Variants in RAB27A observed in about 807,000 individuals in gnomAD.
RAB27A encodes the protein RAB27A, member RAS oncogene family, also known as ras-related protein Rab-27A.
A neutral mutation model predicts 20.8 loss-of-function variants in RAB27A; 17 were observed. That is an observed-to-expected ratio of 0.82 (90% CI 0.56 to 1.23). RAB27A has a LOEUF of 1.23. Ranked by LOEUF, RAB27A falls within the 50% of genes most tolerant of loss-of-function variation. The probability of loss-of-function intolerance (pLI) is 0.00; values close to 1 mark genes in which losing one functional copy is unlikely to be tolerated. For missense variants in RAB27A, 277 were observed against 266.7 expected (o/e 1.04, Z -0.27); for synonymous variants, 85 against 92.8 (o/e 0.92, Z 0.48).
intron 2 of RAB27A, among the ~76,000 whole-genome samples, chr15:55,241,675 G>A (rs1896499326): frequency 7.0e-6 from 1 of 142,400 alleles, no homozygotes; most frequent in Non-Finnish European, 1.5e-5. Flanking sequence ...AGGTGTGGTG[G>A]CATTAGCCTG....
chr15:55,302,774 T>C (rs1329002107), intron 2 of RAB27A, among the ~76,000 whole-genome samples: 3 of 133,316 alleles, frequency 2.3e-5, no homozygotes, highest in African/African-American at 6.1e-5. Context: ...AGACCCCGTC[T>C]GGGAGGTGAG....
chr15:55,274,794 T>TATATATATATATA (rs1897805753), intron 1 of RAB27A, among the ~76,000 whole-genome samples: 5 of 52,168 alleles, frequency 9.6e-5, no homozygotes, highest in Non-Finnish European at 1.7e-4. Context: ...AATAAATAAA[T>TATATATATATATA]TATATATATA....
intron 2 of RAB27A, among the ~76,000 whole-genome samples, chr15:55,265,858 G>A (rs1263772409): frequency 2.0e-5 from 3 of 152,176 alleles, no homozygotes; most frequent in Non-Finnish European, 4.4e-5. Context: ...ATGGGAAAGT[G>A]TTTGAGACCT....
At chr15:55,253,299 T>C (rs945285646) in intron 2 of RAB27A, among the ~76,000 whole-genome samples, 5 of 151,458 alleles carry the variant, frequency 3.3e-5, no homozygotes, top group Non-Finnish European at 7.4e-5. Flanking sequence ...ATACAAAAAT[T>C]AGCCGGGCAC....
intron 6 of RAB27A, among the ~76,000 whole-genome samples, chr15:55,217,315 C>G (rs76059106): frequency 0.024 from 3,612 of 152,042 alleles, 53 homozygotes; most frequent in Non-Finnish European, 0.037. Context: ...ATCTAGCAAA[C>G]TAGATGAGAG....
At chr15:55,225,502 C>T (rs959027464) in intron 5 of RAB27A, among the ~76,000 whole-genome samples, 4 of 152,198 alleles carry the variant, frequency 2.6e-5, no homozygotes, top group Admixed American at 6.5e-5. Flanking sequence ...GGTCCCACTC[C>T]AGCTCTACTG....
At chr15:55,240,369 T>C (rs1896431880) in intron 2 of RAB27A, among the ~76,000 whole-genome samples, 2 of 152,292 alleles carry the variant, frequency 1.3e-5, no homozygotes, top group Admixed American at 1.3e-4. Context: ...GGCTTCCCTC[T>C]GACACTCTCT....
intron 1 of RAB27A, among the ~76,000 whole-genome samples, chr15:55,287,483 C>A (rs973136738): frequency 3.9e-5 from 6 of 152,162 alleles, no homozygotes; most frequent in Non-Finnish European, 7.3e-5. Flanking sequence ...CATGGTGGCT[C>A]ATGCCTATGA....
intron 6 of RAB27A, among the ~76,000 whole-genome samples, chr15:55,211,466 C>T (rs1352209617): frequency 1.3e-5 from 2 of 152,084 alleles, no homozygotes; most frequent in Non-Finnish European, 2.9e-5. Context: ...ATAGATGCTT[C>T]ACTTCTTTGG....
At chr15:55,212,704 T>C (rs1343031796) in intron 6 of RAB27A, among the ~76,000 whole-genome samples, 15 of 152,150 alleles carry the variant, frequency 9.9e-5, no homozygotes, top group Admixed American at 9.2e-4. Context: ...TAATTTTTTG[T>C]ATTTTTAGTA....
chr15:55,278,501 G>A (rs1017267355), intron 1 of RAB27A, among the ~76,000 whole-genome samples: 1 of 77,358 alleles, frequency 1.3e-5, no homozygotes, highest in African/African-American at 4.2e-5. Flanking sequence ...TTTTTTTTTT[G>A]AGAGGGAGTC....
chr15:55,217,336 G>T (rs1413095434), intron 6 of RAB27A, among the ~76,000 whole-genome samples: 1 of 151,930 alleles, frequency 6.6e-6, no homozygotes, highest in Non-Finnish European at 1.5e-5. Flanking sequence ...CCATAGAAAA[G>T]ACCCTGAATT....
intron 6 of RAB27A, 44 bp from the exon 7 acceptor site, chr15:55,205,749 G>A: frequency 1.3e-6 from 2 of 1,498,540 alleles, no homozygotes; most frequent in Non-Finnish European, 1.9e-6. Flanking sequence ...TGGAGGGAAA[G>A]GAGAGTGACC....
At chr15:55,297,485 G>A (rs2054954513) in intron 2 of RAB27A, among the ~76,000 whole-genome samples, 1 of 152,164 alleles carries the variant, frequency 6.6e-6, no homozygotes, top group African/African-American at 2.4e-5. Context: ...AGCACCATGG[G>A]GTGATCAAGA....
At chr15:55,302,192 AGTC>A (rs972005744) in intron 2 of RAB27A, among the ~76,000 whole-genome samples, 4 of 150,280 alleles carry the variant, frequency 2.7e-5, no homozygotes, top group African/African-American at 7.4e-5. Flanking sequence ...AAAAAAAAAA[AGTC>A]AGAGTGAGAC....
intron 2 of RAB27A, among the ~76,000 whole-genome samples, chr15:55,310,058 A>T (rs972552163): frequency 6.6e-6 from 1 of 151,966 alleles, no homozygotes; most frequent in Non-Finnish European, 1.5e-5. Context: ...TCCTTCTCCT[A>T]TGTTCAGGTG....
chr15:55,226,831 G>A (rs1595691320), intron 5 of RAB27A, among the ~76,000 whole-genome samples: 2 of 144,914 alleles, frequency 1.4e-5, no homozygotes, highest in South Asian at 4.3e-4. Context: ...CTGCACCATT[G>A]CACTCCAGCA....
At chr15:55,317,003 T>C (rs2055048694) in intron 1 of RAB27A, among the ~76,000 whole-genome samples, 1 of 152,180 alleles carries the variant, frequency 6.6e-6, no homozygotes, top group Non-Finnish European at 1.5e-5. Context: ...CCTTCCCAAT[T>C]ATTATATACA....
chr15:55,244,117 A>G (rs1896597915), intron 2 of RAB27A, among the ~76,000 whole-genome samples: 1 of 152,136 alleles, frequency 6.6e-6, no homozygotes, highest in Admixed American at 6.5e-5. Context: ...CCTGGCTGAT[A>G]TGGTGAAACC....
Sources: gnomAD v4.1 joint callset for allele counts (sites outside exome capture counted in the v4.1 genomes callset) on GRCh38, gnomAD v4.1.1 for gene constraint, MANE v1.5 for transcripts, NCBI Gene and HGNC (gene_info 2026-07-23, HGNC 2026-07-21) for gene names.